The following CAVIN2 variants were observed in gnomAD, a reference collection of about 807,000 sequenced individuals.
CAVIN2 encodes caveolae-associated protein 2.
In CAVIN2, 13 loss-of-function variants were observed where a neutral mutation model predicts 11.7. The ratio of observed to expected loss-of-function variants is 1.11; its 90% confidence interval spans 0.72 to 1.77. CAVIN2 has a LOEUF of 1.77. Among genes scored for constraint, CAVIN2 ranks in the 40% most tolerant of loss-of-function variants. The probability of loss-of-function intolerance (pLI) is 0.00; values close to 1 mark genes in which losing one functional copy is unlikely to be tolerated. For missense variants in CAVIN2, 549 were observed against 542.9 expected, an observed-to-expected ratio of 1.01 and a Z score of -0.11; for synonymous variants, 237 against 223.2, an observed-to-expected ratio of 1.06 and a Z score of -0.55.
At position 191,846,759 on chromosome 2, in the gene CAVIN2, A is replaced by G. The variant is rs1375945817; in HGVS notation, c.167T>C (p.Val56Ala). 4 of 1,614,136 alleles carry G rather than the reference A, an allele frequency of 2.5e-6. No homozygotes were observed. The highest frequency in any genetic ancestry group is 2.5e-6 in the Non-Finnish European group (3 of 1,180,026). The change falls in exon 1 of 2, where the codon GTC becomes GCC. Residue 56 changes from valine to alanine, a missense_variant. Physicochemically the swap from Val to Ala is moderately conservative, Grantham distance 64. Coordinates refer to ENST00000304141, the MANE Select transcript of CAVIN2 (RefSeq NM_004657.6). Reference sequence around the variant, plus strand: ...CTTGTCCAGGAGCGTGAGCACCGTGACTGCGTTCACCTGTGAGTTGTCCCG... The same window carrying G: ...CTTGTCCAGGAGCGTGAGCACCGTGGCTGCGTTCACCTGTGAGTTGTCCCG... The part of the protein sequence containing the change: ...AIRDNSQVNA[V>A]TVLTLLDKLV...
At chr2:191,843,807 T>C (rs1690128543) in intron 1 of CAVIN2, among the ~76,000 whole-genome samples, 1 of 152,228 alleles carries the variant, frequency 6.6e-6, no homozygotes, top group South Asian at 2.1e-4. Flanking sequence ...ATTGAGCACT[T>C]ATACCATGCC....
chr2:191,836,559 G>A lies in CAVIN2; in HGVS notation c.642C>T (p.Ala214=), dbSNP rs1466039692. The change falls in exon 2 of 2, where the codon GCC becomes GCT. Residue 214 remains alanine (A), a synonymous_variant. Coordinates refer to ENST00000304141, the MANE Select transcript of CAVIN2 (RefSeq NM_004657.6). ...SDDDLPHDEE[A]LEDSAEEKVE... ...CCTTTTCCTCGGCACTGTCTTCCAG[G>A]GCCTCCTCATCGTGGGGCAAATCAT... is the stretch of plus-strand genomic sequence containing the variant. 1.2e-6 allele frequency: 2 copies of A among 1,613,784 alleles called. No homozygotes were observed. The highest frequency in any genetic ancestry group is 1.3e-5 in the African/African-American group (1 of 74,800).
At chr2:191,842,402 C>T (rs569343929) in intron 1 of CAVIN2, among the ~76,000 whole-genome samples, 1 of 152,286 alleles carries the variant, frequency 6.6e-6, no homozygotes, top group South Asian at 2.1e-4. Flanking sequence ...GCTACTGCAT[C>T]CTCAGGGCCA....
chr2:191,839,914 T>G (rs1294961613), intron 1 of CAVIN2, among the ~76,000 whole-genome samples: 2 of 152,226 alleles, frequency 1.3e-5, no homozygotes, highest in African/African-American at 4.8e-5. Flanking sequence ...AGAAAAATAC[T>G]GATACTTTTC....
Position 191,842,288 on chromosome 2 carries a change from G to A in CAVIN2, c.483+4155C>T, listed in dbSNP as rs550640380. ...GTTTCCCAATTTTATGTGGACGAAA[G>A]TGTAAGCTGTCCAAGAGTACTCTCA... is the stretch of plus-strand genomic sequence containing the variant. On this transcript the variant is annotated intron_variant, in intron 1 of 1. Coordinates refer to ENST00000304141, the MANE Select transcript of CAVIN2 (RefSeq NM_004657.6). Among the ~76,000 whole-genome samples the A allele has an allele frequency of 2.0e-5, 3 of 152,168 alleles. No homozygotes were observed. In the East Asian group the frequency reaches 5.8e-4, roughly 29 times the overall value.
In CAVIN2 at chr2:191,836,678, G is replaced by A; in HGVS notation, c.523C>T (p.Pro175Ser). 1 of 1,613,862 alleles carries A rather than the reference G, an allele frequency of 6.2e-7. No individual in the cohort carries two copies. Among genetic ancestry groups the A allele is most frequent in the Non-Finnish European group, 8.5e-7 (1 of 1,179,898 alleles). The change falls in exon 2 of 2, where the codon CCC (proline) becomes TCC (serine). Residue 175 changes from proline to serine, a missense_variant. Physicochemically the swap from Pro to Ser is moderately conservative, Grantham distance 74. Transcript: ENST00000304141. The stretch of plus-strand genomic sequence containing the variant: ...TTCCCTTCCACGGCACCGGAAACGG[G>A]CTGTTTCACAAACACGCTGGCAGGG... ...EIPASVFVKQ[P>S]VSGAVEGKEE...
Position 191,836,415 on chromosome 2 carries a change from G to A in CAVIN2, c.786C>T (p.Ile262=), listed in dbSNP as rs775440514. The A allele has an allele frequency of 8.1e-6, 13 of 1,614,134 alleles. No individual in the cohort carries two copies. The highest frequency in any genetic ancestry group is 1.1e-5 in the Non-Finnish European group (13 of 1,180,028). The part of the protein sequence containing the change: ...EKKMNKLGTK[I]VSVERREKIK... ...TCTTCTCTCTCCTCTCTACAGATAC[G>A]ATCTTTGTCCCCAGCTTGTTCATCT... Residue 262 remains isoleucine (I), a synonymous_variant, in exon 2 of 2, where the codon ATC becomes ATT. Transcript: ENST00000304141.
At chr2:191,838,250 A>T (rs1219605423) in intron 1 of CAVIN2, among the ~76,000 whole-genome samples, 9 of 152,244 alleles carry the variant, frequency 5.9e-5, no homozygotes, top group African/African-American at 2.2e-4. Context: ...ATGCTTTAAG[A>T]GTGTCACTTT....
chr2:191,839,003 C>T (rs1460646516), intron 1 of CAVIN2, among the ~76,000 whole-genome samples: 2 of 152,188 alleles, frequency 1.3e-5, no homozygotes, highest in Non-Finnish European at 2.9e-5. Flanking sequence ...ATTTTCTTTG[C>T]AGTGGATGGG....
Position 191,835,831 on chromosome 2 carries a change from T to C in CAVIN2, c.*92A>G. On this transcript the variant is annotated 3_prime_UTR_variant, in exon 2 of 2. Coordinates refer to ENST00000304141, the MANE Select transcript of CAVIN2 (RefSeq NM_004657.6). ...TACTGCCTGGACAGGAACGCAGGAG[T>C]GGGTGAGTCGTGCTGGAGATGTGCA... The C allele has an allele frequency of 8.0e-7, 1 of 1,247,644 alleles. No individual in the cohort carries two copies. Among genetic ancestry groups the C allele is most frequent in the Non-Finnish European group, 1.1e-6 (1 of 904,200 alleles). 77.3% of individuals were successfully genotyped at this position (1,247,644 alleles called of 1,614,324 possible). A position where few individuals can be genotyped will look rare whatever the true frequency, so the allele number is the denominator to read the frequency against.
Position 191,836,281 on chromosome 2 carries a change from C to G in CAVIN2, c.920G>C (p.Ser307Thr). ...TGACTTGGTCTCATTTTCTGCATGG[C>G]TTTCTCCCTCTCGGACTTTCTTCCG... ...FGRKKVREGE[S>T]HAENETKSED... The change falls in exon 2 of 2, where the codon AGC (serine) becomes ACC (threonine). Residue 307 changes from serine to threonine, a missense_variant. Transcript: ENST00000304141. 3.7e-6 allele frequency: 6 copies of G among 1,614,150 alleles called. No individual in the cohort carries two copies. Among genetic ancestry groups the G allele is most frequent in the Non-Finnish European group, 5.1e-6 (6 of 1,180,042 alleles).
Position 191,836,139 on chromosome 2 carries a change from C to T in CAVIN2, c.1062G>A (p.Glu354=). Residue 354 remains glutamate (E), a synonymous_variant, in exon 2 of 2, where the codon GAG becomes GAA. Transcript: ENST00000304141. Reference sequence around the variant, plus strand: ...CCCTGGAGGTCGCCTTCTCAGCAGCCTCCTCTGCAATTTCCCCTTCCACCA... The same window carrying T: ...CCCTGGAGGTCGCCTTCTCAGCAGCTTCCTCTGCAATTTCCCCTTCCACCA... ...SALVEGEIAE[E]AAEKATSRGS... is the part of the protein sequence containing the mutation. 1.2e-6 allele frequency: 2 copies of T among 1,614,236 alleles called. No homozygotes were observed. The highest frequency in any genetic ancestry group is 2.2e-5 in the East Asian group (1 of 44,882).
chr2:191,836,521 C>T lies in CAVIN2; in HGVS notation c.680G>A (p.Arg227Lys), dbSNP rs1559029121. ...GCTGGATCTTTTTATTTTCTCTGCC[C>T]TACTTTCTTCCACCTTTTCCTCGGC... ...DSAEEKVEES[R>K]AEKIKRSSLK... The change falls in exon 2 of 2, where the codon AGG (arginine) becomes AAG (lysine). Residue 227 changes from arginine (R) to lysine (K), a missense_variant. Coordinates refer to ENST00000304141, the MANE Select transcript of CAVIN2 (RefSeq NM_004657.6). 1.2e-6 allele frequency: 2 copies of T among 1,614,118 alleles called. No individual in the cohort carries two copies. The highest frequency in any genetic ancestry group is 1.7e-6 in the Non-Finnish European group (2 of 1,180,014).
intron 1 of CAVIN2, among the ~76,000 whole-genome samples, chr2:191,838,820 C>T (rs187155915): frequency 7.9e-5 from 12 of 152,310 alleles, no homozygotes; most frequent in Admixed American, 2.6e-4. Flanking sequence ...TTTCTAAGAA[C>T]GCCCTGAGAG....
chr2:191,846,887 G>C lies in CAVIN2; in HGVS notation c.39C>G (p.His13Gln). The part of the protein sequence containing the change: ...EDAAQAEKFQ[H>Q]PGSDMRQEKP... The stretch of plus-strand genomic sequence containing the variant: ...TTTCCTGCCGCATGTCAGACCCAGG[G>C]TGCTGGAACTTTTCGGCCTGTGCAG... The change falls in exon 1 of 2, where the codon CAC becomes CAG. Residue 13 changes from histidine (H) to glutamine (Q), a missense_variant. By Grantham distance (24) the His-to-Gln change is conservative. Coordinates refer to ENST00000304141, the MANE Select transcript of CAVIN2 (RefSeq NM_004657.6). The C allele has an allele frequency of 6.2e-7, 1 of 1,613,698 alleles. No individual in the cohort carries two copies. The highest frequency in any genetic ancestry group is 2.2e-5 in the East Asian group (1 of 44,884).
Position 191,835,955 on chromosome 2 carries a change from G to C in CAVIN2, c.1246C>G (p.Pro416Ala), listed in dbSNP as rs1321182645. Residue 416 changes from proline to alanine, a missense_variant, in exon 2 of 2, where the codon CCC becomes GCC. Physicochemically the swap from Pro to Ala is conservative, Grantham distance 27. Transcript: ENST00000304141. Reference protein sequence around the residue: ...AERSDGDPVQPAVLQVHQTS With the variant: ...AERSDGDPVQAAVLQVHQTS ...GTCTGGTGCACCTGGAGCACGGCGG[G>C]CTGCACGGGGTCCCCATCGGAGCGC... The C allele has an allele frequency of 1.9e-6, 3 of 1,613,662 alleles. No homozygotes were observed. In the South Asian group the frequency reaches 3.3e-5, roughly 18 times the overall value.
Position 191,836,011 on chromosome 2 carries a change from C to T in CAVIN2, c.1190G>A (p.Gly397Asp), listed in dbSNP as rs756074370. 1.4e-5 allele frequency: 22 copies of T among 1,614,100 alleles called. No homozygotes were observed. The highest frequency in any genetic ancestry group is 1.1e-4 in the African/African-American group (8 of 74,942). ...CTCCTCGGATGTTAGCGCGTAGCTA[C>T]CCTCATAGCGTACCTTCTGTGCCTG... is the stretch of plus-strand genomic sequence containing the variant. ...LEQAQKVRYE[G>D]SYALTSEEAE... The change falls in exon 2 of 2, where the codon GGT (glycine) becomes GAT (aspartate). Residue 397 changes from glycine (G) to aspartate (D), a missense_variant. Gly to Asp is a moderately conservative substitution (Grantham distance 94). Transcript: ENST00000304141.
chr2:191,836,314 G>C lies in CAVIN2; in HGVS notation c.887C>G (p.Thr296Ser), dbSNP rs1188050139. The change falls in exon 2 of 2, where the codon ACT becomes AGT. Residue 296 changes from threonine to serine, a missense_variant. Physicochemically the swap from Thr to Ser is moderately conservative, Grantham distance 58. Transcript: ENST00000304141. ...KSSPFKVSPL[T>S]FGRKKVREGE... ...CTCTCGGACTTTCTTCCGCCCGAAA[G>C]TGAGGGGAGAAACCTTGAAGGGGGA... 6.2e-7 allele frequency: 1 copy of C among 1,614,174 alleles called. No homozygotes were observed. The highest frequency in any genetic ancestry group is 1.1e-5 in the South Asian group (1 of 91,084).
In CAVIN2 at chr2:191,846,987, G is replaced by T; in HGVS notation, c.-62C>A. On this transcript the variant is annotated 5_prime_UTR_variant, in exon 1 of 2. Transcript: ENST00000304141. ...CTGCTTCTTGCTCGGGTGAGAAGTT[G>T]CGGTGGTGAGGGTGTAGGATGAGGC... 3 of 1,538,156 alleles carry T rather than the reference G, an allele frequency of 2.0e-6. No individual in the cohort carries two copies. The highest frequency in any genetic ancestry group is 2.6e-6 in the Non-Finnish European group (3 of 1,151,082).
Sources: allele counts gnomAD v4.1 joint callset (sites outside exome capture counted in the v4.1 genomes callset), GRCh38; gene constraint gnomAD v4.1.1; transcripts MANE v1.5; gene names NCBI Gene and HGNC (gene_info 2026-07-23, HGNC 2026-07-21).